Variants in CNOT1 observed in about 807,000 individuals in gnomAD.
CNOT1 encodes the protein CCR4-NOT transcription complex subunit 1.
In CNOT1, 15 loss-of-function variants were observed where a neutral mutation model predicts 273.8. The ratio of observed to expected loss-of-function variants is 0.05; its 90% CI spans 0.04 to 0.08. The LOEUF (loss-of-function observed/expected upper bound fraction) is 0.08. Ranked by LOEUF, CNOT1 falls within the 10% of genes least tolerant of loss-of-function variation. The probability of loss-of-function intolerance (pLI) is 1.00; values close to 1 mark genes in which losing one functional copy is unlikely to be tolerated. For synonymous variants in CNOT1, 1,022 were observed against 1,005.5 expected, an observed-to-expected ratio of 1.02 and a Z score of -0.31; for missense variants, 1,644 against 2,912.2, an observed-to-expected ratio of 0.56 and a Z score of 10.02.
intron 16 of CNOT1, among the ~76,000 whole-genome samples, chr16:58,570,537 G>T (rs1295536098): frequency 6.6e-6 from 1 of 152,174 alleles, no homozygotes; most frequent in Non-Finnish European, 1.5e-5. Flanking sequence ...TACCTGGGAG[G>T]ACCGCTTTGA....
intron 28 of CNOT1, 82 bp from the exon 29 acceptor site, chr16:58,546,580 T>C (rs1416932398): frequency 1.1e-5 from 17 of 1,607,414 alleles, no homozygotes; most frequent in South Asian, 5.5e-5. Context: ...TCAGTTATTA[T>C]AGTACTTCCC....
Position 58,547,436 on chromosome 16 carries a change from G to T in CNOT1, c.3639+130C>A. 2.0e-6 allele frequency: 3 copies of T among 1,504,076 alleles called. No homozygotes were observed. The highest frequency in any genetic ancestry group is 2.7e-6 in the Non-Finnish European group (3 of 1,118,676). 93.2% of individuals were successfully genotyped at this position (1,504,076 alleles called of 1,614,324 possible). ...TCTAGTCCTTGCCTTACAAAAAGGG[G>T]TTAACAACTCAAAACGTGGGCCAAA... On this transcript the variant is annotated intron_variant, in intron 26 of 48. Transcript: ENST00000317147. This position sits in a 1 kb window ranked among gnomAD's most constrained non-coding sequence, Gnocchi z 4.0.
chr16:58,538,143 A>C lies in CNOT1; in HGVS notation c.5244+15T>G, dbSNP rs761585292. 8 of 1,603,394 alleles carry C rather than the reference A, an allele frequency of 5.0e-6. No homozygotes were observed. Among genetic ancestry groups the C allele is most frequent in the South Asian group, 1.1e-5 (1 of 90,892 alleles). On this transcript the variant is annotated intron_variant, in intron 37 of 48. Transcript: ENST00000317147. Reference sequence around the variant, plus strand: ...CCTGAGTCCTTTTGTCCGTGCAAGTAAATTCCTTCCATACCTGCGCTAGGT... The same window carrying C: ...CCTGAGTCCTTTTGTCCGTGCAAGTCAATTCCTTCCATACCTGCGCTAGGT...
intron 16 of CNOT1, among the ~76,000 whole-genome samples, chr16:58,563,416 G>A (rs1597466014): frequency 6.6e-6 from 1 of 152,064 alleles, no homozygotes; most frequent in African/African-American, 2.4e-5. Context: ...CTCACACAAA[G>A]ACAAAATTGC....
chr16:58,551,403 A>C, intron 23 of CNOT1, 131 bp from the exon 24 acceptor site: 2 of 1,201,300 alleles, frequency 1.7e-6, no homozygotes, highest in Non-Finnish European at 2.3e-6. Flanking sequence ...TGTAGGCAAG[A>C]ATAGTGAACT....
At chr16:58,622,567 A>G (rs1187608738) in intron 1 of CNOT1, among the ~76,000 whole-genome samples, 1 of 152,148 alleles carries the variant, frequency 6.6e-6, no homozygotes, top group Non-Finnish European at 1.5e-5. Flanking sequence ...ATAAAGCTTA[A>G]GAATATTATA....
At chr16:58,618,065 T>C (rs2152043470) in intron 1 of CNOT1, among the ~76,000 whole-genome samples, 1 of 152,220 alleles carries the variant, frequency 6.6e-6, no homozygotes, top group Non-Finnish European at 1.5e-5. Flanking sequence ...AGAGCTTAAA[T>C]CCAGAAGATG....
In CNOT1 at chr16:58,558,618, G is replaced by A. The variant is rs1351412321; in HGVS notation, c.2187C>T (p.His729=). ...GAGGAAAACCCTGCATACTCTGGGT[G>A]TGAGGGGCAGCTGAACCACCTATAC... ...SLSIGGSAAP[H]TQSMQGFPPN... The change falls in exon 18 of 49, where the codon CAC becomes CAT. Residue 729 remains histidine (H), a synonymous_variant. Transcript: ENST00000317147. 6.2e-7 allele frequency: 1 copy of A among 1,613,340 alleles called. No individual in the cohort carries two copies. The highest frequency in any genetic ancestry group is 8.5e-7 in the Non-Finnish European group (1 of 1,179,742).
At chr16:58,569,967 C>T (rs377497773) in intron 16 of CNOT1, among the ~76,000 whole-genome samples, 1 of 152,172 alleles carries the variant, frequency 6.6e-6, no homozygotes, top group Non-Finnish European at 1.5e-5. Flanking sequence ...AGAAAAAAGA[C>T]AAGGAGAGTA....
chr16:58,560,003 A>G (rs2040775024), intron 17 of CNOT1: 4 of 1,362,208 alleles, frequency 2.9e-6, no homozygotes, highest in South Asian at 1.2e-5. Context: ...AATTGTCTGT[A>G]TATTTCCTCT....
In CNOT1 at chr16:58,560,315, T is replaced by C. The variant is rs1042879191; in HGVS notation, c.2027A>G (p.Asn676Ser). ...LSETILTMVA[N>S]CSNVMNKARQ... ...GGCCTTATTCATAACATTACTGCAA[T>C]TGGCTACCATGGTGAGGATAGTTTC... The change falls in exon 17 of 49, where the codon AAT (asparagine) becomes AGT (serine). Residue 676 changes from asparagine (N) to serine (S), a missense_variant. Transcript: ENST00000317147. 1.1e-5 allele frequency: 17 copies of C among 1,614,036 alleles called. No individual in the cohort carries two copies. Among genetic ancestry groups the C allele is most frequent in the South Asian group, 5.5e-5 (5 of 91,088 alleles).
rs1361851464 is a variant in CNOT1, at chr16:58,587,633, T to C, written c.309+147A>G. ...TCTATTTATTATTAAATGAACTGCC[T>C]TGATTTTGTTACAAACTATAAAAGA... On this transcript the variant is annotated intron_variant, in intron 4 of 48. Transcript: ENST00000317147. The C allele has an allele frequency of 8.1e-6, 9 of 1,106,272 alleles. No individual in the cohort carries two copies. The East Asian group carries it at 2.3e-4, about 29-fold the overall frequency. The allele number at this position is 1,106,272 out of a possible 1,614,324, so 68.5% of individuals were successfully genotyped here. A position where few individuals can be genotyped will look rare whatever the true frequency, so the allele number is the denominator to read the frequency against.
chr16:58,543,518 G>A (rs372828610), intron 31 of CNOT1, 89 bp downstream of exon 31: 6 of 1,591,780 alleles, frequency 3.8e-6, no homozygotes, highest in South Asian at 2.3e-5. Context: ...AAGTGGTAAC[G>A]CCCAGTGCCA....
Position 58,545,367 on chromosome 16 carries a change from A to T in CNOT1, c.4131T>A (p.Asn1377Lys), listed in dbSNP as rs1254313667. Residue 1377 changes from asparagine to lysine, a missense_variant, in exon 30 of 49, where the codon AAT (asparagine) becomes AAA (lysine). By Grantham distance (94) the Asn-to-Lys change is moderately conservative (BLOSUM62 0). Coordinates refer to ENST00000317147, the MANE Select transcript of CNOT1 (RefSeq NM_016284.5). Reference sequence around the variant, plus strand: ...TGGAGCAGTGTTTACTTACTGTTGGATTCAGAGTAATGTGTGGTGCCAAGC... The same window carrying T: ...TGGAGCAGTGTTTACTTACTGTTGGTTTCAGAGTAATGTGTGGTGCCAAGC... ...LAGLAPHITL[N>K]PTIPLFQAHP... is the part of the protein sequence containing the mutation. 2.5e-6 allele frequency: 4 copies of T among 1,613,564 alleles called. No individual in the cohort carries two copies. Among genetic ancestry groups the T allele is most frequent in the Non-Finnish European group, 3.4e-6 (4 of 1,179,806 alleles).
rs774600256 is a variant in CNOT1 at position 58,626,838 on chromosome 16, T to TA, written c.-175+2889dup. ...ACAAATATTTTGCAAAATTTTTTTTTAATTTAATTTTCTTTTTTGTAAAGA... is the reference window on the plus strand; with the variant it reads ...ACAAATATTTTGCAAAATTTTTTTTTAAATTTAATTTTCTTTTTTGTAAAGA... On this transcript the variant is annotated intron_variant, in intron 1 of 48. Transcript: ENST00000317147. Among the ~76,000 whole-genome samples, 38 of 152,236 alleles carry TA rather than the reference T, an allele frequency of 2.5e-4. 1 individual carries two copies. The highest frequency in any genetic ancestry group is 8.2e-4 in the African/African-American group (34 of 41,556).
chr16:58,524,465 C>T (rs539550365), intron 46 of CNOT1, among the ~76,000 whole-genome samples: 2 of 151,906 alleles, frequency 1.3e-5, no homozygotes, highest in South Asian at 2.1e-4. Context: ...CTTTTATTGC[C>T]GAGCTCTTGG....
At chr16:58,578,291 T>C (rs778528246) in intron 13 of CNOT1, among the ~76,000 whole-genome samples, 8 of 151,834 alleles carry the variant, frequency 5.3e-5, no homozygotes, top group Non-Finnish European at 8.8e-5. Context: ...CCACTTCTAT[T>C]AAGAATACAA....
At chr16:58,589,356 T>A (rs2041976071) in intron 2 of CNOT1, among the ~76,000 whole-genome samples, 1 of 152,052 alleles carries the variant, frequency 6.6e-6, no homozygotes, top group Admixed American at 6.6e-5. Context: ...CTACTAAATA[T>A]ACAAAAATTA....
Position 58,546,325 on chromosome 16 carries a change from G to A in CNOT1, c.4002C>T (p.Thr1334=). 6.2e-7 allele frequency: 1 copy of A among 1,612,638 alleles called. No homozygotes were observed. Among genetic ancestry groups the A allele is most frequent in the South Asian group, 1.1e-5 (1 of 90,998 alleles). The change falls in exon 29 of 49, where the codon ACC becomes ACT. Residue 1334 remains threonine (T), a synonymous_variant. Transcript: ENST00000317147. ...TTGACTAATTAGCACACTTACTTGT[G>A]GTTGTGATGGGAGGGAGTTCTTCTG... ...KQPEELPPIT[T]TTTSTTPATN... is the part of the protein sequence containing the mutation.
Sources: allele counts gnomAD v4.1 joint callset (sites outside exome capture counted in the v4.1 genomes callset), GRCh38; gene constraint gnomAD v4.1.1; non-coding constraint Gnocchi (gnomAD v3.1); transcripts MANE v1.5; gene names NCBI Gene and HGNC (gene_info 2026-07-23, HGNC 2026-07-21).